The following ZPLD1 variants were observed in gnomAD, a reference collection of about 807,000 sequenced individuals.
The protein encoded by ZPLD1 is zona pellucida like domain containing 1, also known as zona pellucida-like domain-containing protein 1.
In ZPLD1, 34 loss-of-function variants were observed where a neutral mutation model predicts 47.2. The ratio of observed to expected loss-of-function variants is 0.72; its 90% CI spans 0.55 to 0.96. ZPLD1 has a LOEUF of 0.96. Ranked by LOEUF, ZPLD1 falls within the 40% of genes least tolerant of loss-of-function variation. ZPLD1 has a pLI of 0.00. For synonymous variants in ZPLD1, 176 were observed against 186.2 expected, an observed-to-expected ratio of 0.95 and a Z score of 0.45; for missense variants, 512 against 505.8, an observed-to-expected ratio of 1.01 and a Z score of -0.12.
intron 8 of ZPLD1, among the ~76,000 whole-genome samples, chr3:102,419,829 A>C (rs1706854802): frequency 6.6e-6 from 1 of 151,356 alleles, no homozygotes; most frequent in Admixed American, 6.6e-5. Flanking sequence ...CTTTTGTCTC[A>C]TTTAAGTACC....
chr3:102,392,729 C>A (rs1161290895), intron 7 of ZPLD1, among the ~76,000 whole-genome samples: 1 of 152,102 alleles, frequency 6.6e-6, no homozygotes, highest in Non-Finnish European at 1.5e-5. Flanking sequence ...AAGGTCCCAC[C>A]TCTCAATATT....
At chr3:102,422,334 G>C (rs1206121088) in intron 8 of ZPLD1, among the ~76,000 whole-genome samples, 1 of 151,970 alleles carries the variant, frequency 6.6e-6, no homozygotes, top group Admixed American at 6.6e-5. Context: ...GGGGTGTCAT[G>C]ACTTGTGGGG....
Position 102,470,476 on chromosome 3 carries a change from C to T in ZPLD1, c.1016C>T (p.Ser339Phe). The change falls in exon 10 of 12, where the codon TCT becomes TTT. Residue 339 changes from serine to phenylalanine, a missense_variant. Transcript: ENST00000466937. Reference sequence around the variant, plus strand: ...AGCTCTTCTGGCAGCGCGGTGCTCTCTGCTGGTCCCATCATTACTCGGAGT... The same window carrying T: ...AGCTCTTCTGGCAGCGCGGTGCTCTTTGCTGGTCCCATCATTACTCGGAGT... ...PQSSSGSAVL[S>F]AGPIITRSDE... The T allele has an allele frequency of 6.2e-7, 1 of 1,613,960 alleles. No homozygotes were observed. The highest frequency in any genetic ancestry group is 1.1e-5 in the South Asian group (1 of 91,054).
At chr3:102,400,417 G>T (rs185270623) in intron 7 of ZPLD1, among the ~76,000 whole-genome samples, 2 of 152,048 alleles carry the variant, frequency 1.3e-5, no homozygotes, top group African/African-American at 4.8e-5. Flanking sequence ...CTCCTGCTAC[G>T]CACATTGGAA....
chr3:102,450,327 T>C (rs1196553268), intron 3 of ZPLD1, among the ~76,000 whole-genome samples: 1 of 152,178 alleles, frequency 6.6e-6, no homozygotes, highest in African/African-American at 2.4e-5. Context: ...TACATACTTA[T>C]ATATCCTCCA....
chr3:102,470,281 T>C (rs1196620423), intron 9 of ZPLD1, 113 bp from the exon 10 acceptor site: 1 of 734,138 alleles, frequency 1.4e-6, no homozygotes, highest in African/African-American at 1.8e-5. Flanking sequence ...CGGAAGGAAA[T>C]GAATAAAATT....
At chr3:102,385,607 TTGTGTATACACCAGTG>T (rs1203430827) in intron 6 of ZPLD1, among the ~76,000 whole-genome samples, 2 of 152,236 alleles carry the variant, frequency 1.3e-5, no homozygotes, top group Non-Finnish European at 1.5e-5. Context: ...ATTTAAATAC[TTGTGTATACACCAGTG>T]AAGACTACTG....
intron 7 of ZPLD1, among the ~76,000 whole-genome samples, chr3:102,416,657 A>C (rs1168854778): frequency 6.6e-6 from 1 of 151,974 alleles, no homozygotes; most frequent in Non-Finnish European, 1.5e-5. Context: ...ATAAATGTAC[A>C]TATTTGGGGG....
upstream of ZPLD1, among the ~76,000 whole-genome samples, chr3:102,432,115 G>A (rs1160928319): frequency 1.3e-5 from 2 of 152,176 alleles, no homozygotes; most frequent in African/African-American, 4.8e-5. Context: ...TTTGATCTCT[G>A]TTAAAATACA....
In ZPLD1 at chr3:102,457,763, T is replaced by C; in HGVS notation, c.510-18T>C. The C allele has an allele frequency of 6.2e-7, 1 of 1,613,106 alleles. No homozygotes were observed. The highest frequency in any genetic ancestry group is 8.5e-7 in the Non-Finnish European group (1 of 1,179,308). On this transcript the variant is annotated intron_variant, in intron 5 of 11. Coordinates refer to ENST00000466937, the MANE Select transcript of ZPLD1 (RefSeq NM_001329788.2). ...CTAAAATCTCATCAGTGCTTTCCTT[T>C]TTCTAAATGTGTTTTAGGTCCTCAG...
intron 7 of ZPLD1, among the ~76,000 whole-genome samples, chr3:102,407,978 T>G (rs1478424632): frequency 6.6e-6 from 1 of 151,840 alleles, no homozygotes. Flanking sequence ...AGACTGGGAC[T>G]GGGACACATA....
intron 8 of ZPLD1, among the ~76,000 whole-genome samples, chr3:102,424,260 T>C (rs1460466519): frequency 6.6e-6 from 1 of 152,132 alleles, no homozygotes; most frequent in African/African-American, 2.4e-5. Flanking sequence ...TGCATTTCCT[T>C]TCTCTGCCAT....
intron 8 of ZPLD1, among the ~76,000 whole-genome samples, chr3:102,422,837 C>T (rs940900856): frequency 6.6e-6 from 1 of 150,584 alleles, no homozygotes; most frequent in East Asian, 1.9e-4. Context: ...GTTGTTTTGC[C>T]GTGTCATGGA....
intron 3 of ZPLD1, among the ~76,000 whole-genome samples, chr3:102,443,900 G>T (rs78874202): frequency 6.6e-5 from 10 of 152,294 alleles, no homozygotes; most frequent in East Asian, 1.9e-4. Flanking sequence ...GTAGTGCTTT[G>T]GTCTCCAAGT....
chr3:102,434,663 A>G (rs1311119198), upstream of ZPLD1, among the ~76,000 whole-genome samples: 1 of 152,190 alleles, frequency 6.6e-6, no homozygotes, highest in Non-Finnish European at 1.5e-5. Context: ...GGCCATTATC[A>G]TCTCAGACTG....
intron 7 of ZPLD1, among the ~76,000 whole-genome samples, chr3:102,394,868 G>A (rs1165576211): frequency 6.6e-6 from 1 of 152,080 alleles, no homozygotes; most frequent in Non-Finnish European, 1.5e-5. Context: ...ATTTGAAGAA[G>A]GCTTTTTAAG....
intron 6 of ZPLD1, among the ~76,000 whole-genome samples, chr3:102,388,582 C>A (rs1330545688): frequency 6.6e-6 from 1 of 151,950 alleles, no homozygotes; most frequent in African/African-American, 2.4e-5. Flanking sequence ...TCAGTTTCCT[C>A]CGGAATGACA....
intron 6 of ZPLD1, among the ~76,000 whole-genome samples, chr3:102,386,420 C>T (rs771004779): frequency 2.0e-5 from 3 of 151,646 alleles, no homozygotes; most frequent in Non-Finnish European, 2.9e-5. Context: ...CACTTAAAAG[C>T]GTTTTTTAAT....
At chr3:102,411,349 G>T (rs1434935540) in intron 7 of ZPLD1, among the ~76,000 whole-genome samples, 1 of 151,662 alleles carries the variant, frequency 6.6e-6, no homozygotes, top group Non-Finnish European at 1.5e-5. Context: ...TCATTCAAAG[G>T]GTATGATCTC....
Sources: allele counts gnomAD v4.1 joint callset (sites outside exome capture counted in the v4.1 genomes callset), GRCh38; gene constraint gnomAD v4.1.1; transcripts MANE v1.5; gene names NCBI Gene and HGNC (gene_info 2026-07-23, HGNC 2026-07-21).